Variants in EPN2 observed in about 807,000 individuals in gnomAD.
EPN2 encodes epsin-2.
EPN2 carries 34 observed loss-of-function variants against 61.7 expected under a neutral mutation model. That is an observed-to-expected ratio of 0.55 (90% CI 0.42 to 0.73). EPN2 has a LOEUF of 0.73. EPN2 is among the 30% of genes least tolerant of loss of function. The probability of loss-of-function intolerance (pLI) is 0.00; values close to 1 mark genes in which losing one functional copy is unlikely to be tolerated. For missense variants in EPN2, 714 were observed against 839.2 expected, an observed-to-expected ratio of 0.85 and a Z score of 1.84; for synonymous variants, 349 against 353.6, an observed-to-expected ratio of 0.99 and a Z score of 0.15.
intron 1 of EPN2, among the ~76,000 whole-genome samples, chr17:19,262,304 C>A (rs1014383213): frequency 2.0e-5 from 3 of 152,012 alleles, no homozygotes; most frequent in Admixed American, 6.6e-5. Context: ...CATGGAGAAA[C>A]CCTGTCTCTA....
intron 4 of EPN2, among the ~76,000 whole-genome samples, chr17:19,300,038 C>T (rs1035268429): frequency 1.3e-5 from 2 of 152,206 alleles, no homozygotes; most frequent in African/African-American, 4.8e-5. Context: ...AGCAGTTGAA[C>T]GGATTAGAAC....
At chr17:19,323,206 C>T (rs1445382728) in intron 7 of EPN2, among the ~76,000 whole-genome samples, 3 of 152,056 alleles carry the variant, frequency 2.0e-5, no homozygotes, top group Non-Finnish European at 4.4e-5. Flanking sequence ...GATAAGTGAT[C>T]TAAAAGTCAA....
intron 1 of EPN2, among the ~76,000 whole-genome samples, chr17:19,246,360 A>T (rs1454530329): frequency 6.6e-6 from 1 of 152,158 alleles, no homozygotes; most frequent in East Asian, 1.9e-4. Flanking sequence ...TCTCAAAATA[A>T]TAAGAATAAT....
rs756799235 is a variant in EPN2 at position 19,328,837 on chromosome 17, C to T, written c.1274C>T (p.Ala425Val). The change falls in exon 8 of 11, where the codon GCT (alanine) becomes GTT (valine). Residue 425 changes from alanine to valine, a missense_variant. By Grantham distance (64) the Ala-to-Val change is moderately conservative. Coordinates refer to ENST00000314728, the MANE Select transcript of EPN2 (RefSeq NM_014964.5). Reference sequence around the variant, plus strand: ...CCTGCCTCCAGTGCTGGGAAAAGAGCTTCTGACGCGTGGGGCGCAGTCTCC... The same window carrying T: ...CCTGCCTCCAGTGCTGGGAAAAGAGTTTCTGACGCGTGGGGCGCAGTCTCC... ...QQPASSAGKR[A>V]SDAWGAVSTT... The T allele has an allele frequency of 6.8e-6, 11 of 1,613,534 alleles. No homozygotes were observed. The highest frequency in any genetic ancestry group is 8.5e-6 in the Non-Finnish European group (10 of 1,179,640).
chr17:19,294,892 G>C (rs1243236168), intron 4 of EPN2, among the ~76,000 whole-genome samples: 1 of 152,010 alleles, frequency 6.6e-6, no homozygotes, highest in Non-Finnish European at 1.5e-5. Flanking sequence ...TGCTGACGGT[G>C]TCTTTATTCA....
chr17:19,266,405 ATTT>A (rs5819665), intron 1 of EPN2, among the ~76,000 whole-genome samples: 1 of 142,000 alleles, frequency 7.0e-6, no homozygotes, highest in African/African-American at 2.6e-5. Context: ...TATTTATTTT[ATTT>A]TTTTTTTTTT....
At chr17:19,256,462 G>A (rs2045080970) in intron 1 of EPN2, among the ~76,000 whole-genome samples, 1 of 149,892 alleles carries the variant, frequency 6.7e-6, no homozygotes, top group African/African-American at 2.5e-5. Flanking sequence ...CAATTTGGAT[G>A]TGTGGCCAGG....
chr17:19,307,832 C>T, intron 4 of EPN2: 1 of 854,004 alleles, frequency 1.2e-6, no homozygotes. Flanking sequence ...CCGTCTGTGG[C>T]CTGAATTGCA....
intron 1 of EPN2, among the ~76,000 whole-genome samples, chr17:19,256,965 C>T (rs751481828): frequency 2.6e-5 from 4 of 152,148 alleles, no homozygotes; most frequent in African/African-American, 4.8e-5. Context: ...CCCACTGTCC[C>T]TGCTTTAAAG....
At chr17:19,308,067 C>T (rs1381748752) in intron 4 of EPN2, 1 of 967,884 alleles carries the variant, frequency 1.0e-6, no homozygotes, top group African/African-American at 1.8e-5. Context: ...AACTAATACA[C>T]AATTAGAACA....
chr17:19,310,564 C>T (rs1388040283), intron 5 of EPN2, among the ~76,000 whole-genome samples: 11 of 119,000 alleles, frequency 9.2e-5, no homozygotes, highest in African/African-American at 1.4e-4. Flanking sequence ...TCTCTTTCTC[C>T]TTCTTTCTTT....
intron 4 of EPN2, among the ~76,000 whole-genome samples, chr17:19,304,425 G>T (rs1905719467): frequency 6.6e-6 from 1 of 152,186 alleles, no homozygotes; most frequent in Non-Finnish European, 1.5e-5. Context: ...CTCAGTGCTG[G>T]CTCCCTAGCC....
chr17:19,294,329 G>C (rs985012382), intron 4 of EPN2, among the ~76,000 whole-genome samples: 1 of 152,158 alleles, frequency 6.6e-6, no homozygotes, highest in Non-Finnish European at 1.5e-5. Flanking sequence ...TGAGGTGGGA[G>C]GAATCGCCTG....
chr17:19,264,695 A>G (rs1294679095), intron 1 of EPN2, among the ~76,000 whole-genome samples: 1 of 152,082 alleles, frequency 6.6e-6, no homozygotes, highest in African/African-American at 2.4e-5. Context: ...TGTAGAGAGG[A>G]TCAGAGAGCT....
intron 1 of EPN2, among the ~76,000 whole-genome samples, chr17:19,275,711 G>A (rs1470057329): frequency 6.6e-6 from 1 of 152,220 alleles, no homozygotes; most frequent in African/African-American, 2.4e-5. Flanking sequence ...CTCTTTCCAA[G>A]AAGAGGGGGA....
intron 1 of EPN2, among the ~76,000 whole-genome samples, chr17:19,276,018 T>C (rs903848753): frequency 6.6e-6 from 1 of 152,232 alleles, no homozygotes; most frequent in Non-Finnish European, 1.5e-5. Context: ...AATTGTTATC[T>C]AACATGTGTC....
chr17:19,266,836 T>G (rs1477000808), intron 1 of EPN2, among the ~76,000 whole-genome samples: 1 of 151,698 alleles, frequency 6.6e-6, no homozygotes, highest in East Asian at 2.0e-4. Context: ...AGGAACATTA[T>G]TTAGCCATAA....
At chr17:19,328,102 A>G (rs1009093046) in intron 7 of EPN2, among the ~76,000 whole-genome samples, 1 of 152,110 alleles carries the variant, frequency 6.6e-6, no homozygotes, top group Admixed American at 6.6e-5. Flanking sequence ...GTTGTGACCC[A>G]CTAAATTGAT....
intron 7 of EPN2, among the ~76,000 whole-genome samples, chr17:19,324,866 T>A (rs985452955): frequency 2.0e-5 from 3 of 152,072 alleles, no homozygotes; most frequent in African/African-American, 7.2e-5. Flanking sequence ...ATAGACAAAT[T>A]TCTGGCAAGA....
Sources: allele counts gnomAD v4.1 joint callset (sites outside exome capture counted in the v4.1 genomes callset), GRCh38; gene constraint gnomAD v4.1.1; transcripts MANE v1.5; gene names NCBI Gene and HGNC (gene_info 2026-07-23, HGNC 2026-07-21).